DGKD: variants seen among roughly 807,000 people sequenced by gnomAD.
The protein encoded by DGKD is diacylglycerol kinase delta.
A neutral mutation model predicts 154.4 loss-of-function variants in DGKD; 68 were observed. That is an observed-to-expected ratio of 0.44 (90% CI 0.36 to 0.54). The LOEUF (loss-of-function observed/expected upper bound fraction) is 0.54. DGKD is among the 20% of genes least tolerant of loss of function. The pLI, the probability that DGKD is intolerant of heterozygous loss-of-function variation, is 0.00. For missense variants in DGKD, 1,343 were observed against 1,593.6 expected (o/e 0.84, Z 2.68); for synonymous variants, 693 against 638.0 (o/e 1.09, Z -1.30).
At position 233,458,034 on chromosome 2, in the gene DGKD, G is replaced by A. The variant is rs1306699761; in HGVS notation, c.2581-250G>A. ...ATGGCCCTGGAGGAGCGTGCCGTTA[G>A]TTTCCCCATTTTACGCATGAGGAAA... On this transcript the variant is annotated intron_variant, in intron 21 of 29. Coordinates refer to ENST00000264057, the MANE Select transcript of DGKD (RefSeq NM_152879.3). This position sits in a 1 kb window ranked among gnomAD's most constrained non-coding sequence, Gnocchi z 6.6. 6.6e-6 allele frequency among the ~76,000 whole-genome samples: 1 copy of A among 152,180 alleles called. No individual in the cohort carries two copies. The highest frequency in any genetic ancestry group is 2.4e-5 in the African/African-American group (1 of 41,436).
chr2:233,449,138 C>T lies in DGKD; in HGVS notation c.1650C>T (p.Leu550=), dbSNP rs201720800. 1.2e-6 allele frequency: 2 copies of T among 1,606,348 alleles called. No individual in the cohort carries two copies. Among genetic ancestry groups the T allele is most frequent in the East Asian group, 2.2e-5 (1 of 44,636 alleles). The change falls in exon 15 of 30, where the codon CTC becomes CTT. Residue 550 remains leucine, a synonymous_variant. Coordinates refer to ENST00000264057, the MANE Select transcript of DGKD (RefSeq NM_152879.3). The surrounding 1 kb of genome is among the most constrained non-coding windows in gnomAD (Gnocchi z 5.3). ...TGAAAGAGAAGCTGGATTCCCTTCT[C>T]AAGACCTTGGACGATGAGTCCCAGG... ...SVLKEKLDSL[L]KTLDDESQAS...
At chr2:233,415,883 C>T (rs1031363815) in intron 3 of DGKD, among the ~76,000 whole-genome samples, 2 of 152,156 alleles carry the variant, frequency 1.3e-5, no homozygotes, top group African/African-American at 4.8e-5. Context: ...GCTTTGGCCT[C>T]CCAAAGCACT....
chr2:233,422,804 G>A (rs189412334), intron 3 of DGKD, among the ~76,000 whole-genome samples: 13 of 152,204 alleles, frequency 8.5e-5, no homozygotes, highest in Admixed American at 7.8e-4. Context: ...TGCATGCAGT[G>A]GTAACCTCTT....
At chr2:233,394,128 C>T (rs892808364) in intron 3 of DGKD, among the ~76,000 whole-genome samples, 2 of 152,194 alleles carry the variant, frequency 1.3e-5, no homozygotes, top group Non-Finnish European at 2.9e-5. Context: ...TCATGTATTT[C>T]TAACAGTTTT....
intron 3 of DGKD, among the ~76,000 whole-genome samples, chr2:233,407,575 G>GGGCA (rs772118518): frequency 6.6e-6 from 1 of 152,140 alleles, no homozygotes; most frequent in South Asian, 2.1e-4. Flanking sequence ...AGACCAGCCT[G>GGGCA]GGCAGCATAA....
At chr2:233,425,495 TC>T (rs1250284142) in intron 3 of DGKD, among the ~76,000 whole-genome samples, 2 of 152,208 alleles carry the variant, frequency 1.3e-5, no homozygotes, top group Non-Finnish European at 2.9e-5. Context: ...CCGACTTTAT[TC>T]TTTTTTAATA....
At chr2:233,383,852 C>G (rs191056392) in intron 1 of DGKD, among the ~76,000 whole-genome samples, 1 of 152,108 alleles carries the variant, frequency 6.6e-6, no homozygotes, top group Non-Finnish European at 1.5e-5. Flanking sequence ...TATTTACTTA[C>G]GGGAATATCC....
chr2:233,408,033 G>T (rs1186476979), intron 3 of DGKD, among the ~76,000 whole-genome samples: 1 of 151,320 alleles, frequency 6.6e-6, no homozygotes, highest in Non-Finnish European at 1.5e-5. Flanking sequence ...GGCTCGGAGA[G>T]AGGAAAAACT....
chr2:233,360,223 A>G (rs1701715784), intron 1 of DGKD, among the ~76,000 whole-genome samples: 1 of 152,122 alleles, frequency 6.6e-6, no homozygotes, highest in South Asian at 2.1e-4. Context: ...GAACTTCAGG[A>G]TGCCCACATA....
rs1221137260 is a variant in DGKD, at chr2:233,459,928, A to T, written c.2829+37A>T. On this transcript the variant is annotated intron_variant, in intron 23 of 29. Transcript: ENST00000264057. The surrounding 1 kb of genome is among the most constrained non-coding windows in gnomAD (Gnocchi z 5.7). ...TGCCCGCGGTACCTGGGTGGGGTACAGGGCTCACCTGTGGGCTCTTGTGTG... is the reference window on the plus strand; with the variant it reads ...TGCCCGCGGTACCTGGGTGGGGTACTGGGCTCACCTGTGGGCTCTTGTGTG... 6.2e-7 allele frequency: 1 copy of T among 1,604,122 alleles called. No individual in the cohort carries two copies. The highest frequency in any genetic ancestry group is 1.1e-5 in the South Asian group (1 of 89,712).
In DGKD at chr2:233,441,872, C is replaced by G. The variant is rs1342049235; in HGVS notation, c.1086-15C>G. 2.5e-6 allele frequency: 4 copies of G among 1,609,936 alleles called. No homozygotes were observed. The South Asian group carries it at 3.3e-5, about 13-fold the overall frequency. ...GAATGGATGTCATTTCACGGCCTTTCTCTTTTCTCTGCAGCTTACGGTTAT... is the reference window on the plus strand; with the variant it reads ...GAATGGATGTCATTTCACGGCCTTTGTCTTTTCTCTGCAGCTTACGGTTAT... On this transcript the variant is annotated splice_polypyrimidine_tract_variant and intron_variant, in intron 9 of 29. Coordinates refer to ENST00000264057, the MANE Select transcript of DGKD (RefSeq NM_152879.3). The surrounding 1 kb of genome is among the most constrained non-coding windows in gnomAD (Gnocchi z 5.6).
chr2:233,459,236 A>G lies in DGKD; in HGVS notation c.2695-521A>G, dbSNP rs868392642. Among the ~76,000 whole-genome samples, 55 of 152,120 alleles carry G rather than the reference A, an allele frequency of 3.6e-4. No homozygotes were observed. The highest frequency in any genetic ancestry group is 3.7e-4 in the Non-Finnish European group (25 of 68,002). ...GCGGGGGAGGGTGCTGATGACACCC[A>G]CTGGCTGAACCCCACCCTGCGACTG... On this transcript the variant is annotated intron_variant, in intron 22 of 29. Transcript: ENST00000264057. The surrounding 1 kb of genome is among the most constrained non-coding windows in gnomAD (Gnocchi z 5.7).
intron 3 of DGKD, 123 bp downstream of exon 3, chr2:233,390,606 T>G (rs571447448): frequency 1.4e-6 from 1 of 694,480 alleles, no homozygotes. Context: ...GAATGATTGC[T>G]GGTAAAATTT....
In DGKD at chr2:233,467,202, G is replaced by A. The variant is rs551689131; in HGVS notation, c.3423G>A (p.Pro1141=). 11 of 1,609,784 alleles carry A rather than the reference G, an allele frequency of 6.8e-6. No individual in the cohort carries two copies. The highest frequency in any genetic ancestry group is 5.3e-5 in the African/African-American group (4 of 74,976). ...AAGCTCACAGTAGCCTGGGAGCCCC[G>A]GGTACCTGCCTCTCTCCCGCGTGTG... The part of the protein sequence containing the change: ...NKEAHSSLGA[P]VHLWGTEEVA... The change falls in exon 28 of 30, where the codon CCG becomes CCA. Residue 1141 remains proline, a splice_region_variant and synonymous_variant. Coordinates refer to ENST00000264057, the MANE Select transcript of DGKD (RefSeq NM_152879.3).
In DGKD at chr2:233,383,962, G is replaced by A. The variant is rs191118841; in HGVS notation, c.157-4295G>A. 2.4e-3 allele frequency among the ~76,000 whole-genome samples: 362 copies of A among 152,262 alleles called. 2 individuals are homozygous for A. The highest frequency in any genetic ancestry group is 7.6e-3 in the African/African-American group (315 of 41,544). On this transcript the variant is annotated intron_variant, in intron 1 of 29. Coordinates refer to ENST00000264057, the MANE Select transcript of DGKD (RefSeq NM_152879.3). ...ATGGAGGGGAGGGTGTGTAGGTGCC[G>A]TGAGATACTCTGTAGCCGGTAAAAA... is the stretch of plus-strand genomic sequence containing the variant.
At chr2:233,432,438 T>C (rs2062556900) in intron 3 of DGKD, among the ~76,000 whole-genome samples, 2 of 150,960 alleles carry the variant, frequency 1.3e-5, no homozygotes, top group Non-Finnish European at 2.9e-5. Context: ...GGTGGGCAGA[T>C]CATGAGGTCA....
intron 12 of DGKD, chr2:233,447,725 G>A: frequency 9.1e-7 from 1 of 1,097,180 alleles, no homozygotes; most frequent in Non-Finnish European, 1.1e-6. Flanking sequence ...GGTGGAAACA[G>A]CCTCTGCTGC....
At chr2:233,360,546 C>A (rs1701732363) in intron 1 of DGKD, among the ~76,000 whole-genome samples, 1 of 152,130 alleles carries the variant, frequency 6.6e-6, no homozygotes, top group South Asian at 2.1e-4. Context: ...ACATGAGCTA[C>A]TGTGCCTGGC....
rs887113738 is a variant in DGKD, at chr2:233,400,278, C to A, written c.348+9795C>A. Among the ~76,000 whole-genome samples, 28 of 152,256 alleles carry A rather than the reference C, an allele frequency of 1.8e-4. 1 individual carries two copies. The highest frequency in any genetic ancestry group is 6.5e-4 in the African/African-American group (27 of 41,466). On this transcript the variant is annotated intron_variant, in intron 3 of 29. Transcript: ENST00000264057. ...ACCCGAAGTGGGCGTGGGTGCTCCC[C>A]ATAGCCAGGCTTTGTCTACAGGACA... is the stretch of plus-strand genomic sequence containing the variant.
Sources: gnomAD v4.1 joint callset for allele counts (sites outside exome capture counted in the v4.1 genomes callset) on GRCh38, gnomAD v4.1.1 for gene constraint, Gnocchi (gnomAD v3.1) non-coding constraint, MANE v1.5 for transcripts, NCBI Gene and HGNC (gene_info 2026-07-23, HGNC 2026-07-21) for gene names.